Variants in SH3RF3 observed in about 807,000 individuals in gnomAD.
SH3RF3 encodes SH3 domain containing ring finger 3, also known as E3 ubiquitin-protein ligase SH3RF3.
In SH3RF3, 29 loss-of-function variants were observed where a neutral mutation model predicts 66.3. The observed-to-expected ratio is 0.44, with a 90% CI of 0.33 to 0.60. The LOEUF is 0.60. Ranked by LOEUF, SH3RF3 falls within the 20% of genes least tolerant of loss-of-function variation. The pLI is 0.04. For synonymous variants in SH3RF3, 583 were observed against 532.0 expected, an observed-to-expected ratio of 1.10 and a Z score of -1.32; for missense variants, 1,194 against 1,190.9, an observed-to-expected ratio of 1.00 and a Z score of -0.04.
chr2:109,356,143 A>G (rs935820888), intron 2 of SH3RF3, among the ~76,000 whole-genome samples: 4 of 152,130 alleles, frequency 2.6e-5, no homozygotes, highest in Admixed American at 2.0e-4. Flanking sequence ...CTTCCTTGAC[A>G]TTCTTAGAGT....
intron 1 of SH3RF3, among the ~76,000 whole-genome samples, chr2:109,324,754 G>A (rs1214947676): frequency 6.6e-6 from 1 of 152,216 alleles, no homozygotes; most frequent in Non-Finnish European, 1.5e-5. Flanking sequence ...CAAATGACTT[G>A]AAGGAGAGCA....
Position 109,426,043 on chromosome 2 carries a change from G to A in SH3RF3, c.1403+6401G>A, listed in dbSNP as rs1437456160. ...CTTCCCGGTAGCTGGGATTACAGGC[G>A]CATGCCACCACGCCCAGCTAATTTT... is the stretch of plus-strand genomic sequence containing the variant. On this transcript the variant is annotated intron_variant, in intron 5 of 9. Transcript: ENST00000309415. Among the ~76,000 whole-genome samples the A allele has an allele frequency of 2.6e-5, 4 of 152,122 alleles. No homozygotes were observed. The South Asian group carries it at 8.3e-4, about 32-fold the overall frequency.
chr2:109,471,218 A>AAG (rs1481281604), intron 8 of SH3RF3, among the ~76,000 whole-genome samples: 1 of 151,412 alleles, frequency 6.6e-6, no homozygotes, highest in Admixed American at 6.6e-5. Context: ...AAAAAAAAAA[A>AAG]AAAAAAAAAA....
At chr2:109,198,844 C>G (rs977001105) in intron 1 of SH3RF3, among the ~76,000 whole-genome samples, 1 of 152,204 alleles carries the variant, frequency 6.6e-6, no homozygotes, top group Non-Finnish European at 1.5e-5. Context: ...GGCTGCAGAC[C>G]TGTGCAGGAT....
chr2:109,183,926 C>T (rs974683992), intron 1 of SH3RF3, among the ~76,000 whole-genome samples: 6 of 152,220 alleles, frequency 3.9e-5, no homozygotes, highest in Non-Finnish European at 7.3e-5. Flanking sequence ...GCCCCCACAC[C>T]TACCAGTTGC....
At chr2:109,419,175 G>T (rs749822966) in intron 4 of SH3RF3, among the ~76,000 whole-genome samples, 3 of 152,086 alleles carry the variant, frequency 2.0e-5, no homozygotes, top group Non-Finnish European at 4.4e-5. Flanking sequence ...CTGTTTCATA[G>T]CATGAAAGAT....
At chr2:109,207,828 AAATT>A (rs1482232187) in intron 1 of SH3RF3, among the ~76,000 whole-genome samples, 1 of 152,190 alleles carries the variant, frequency 6.6e-6, no homozygotes, top group Non-Finnish European at 1.5e-5. Context: ...TTTTTAAAAA[AAATT>A]AAACTATACC....
Position 109,292,300 on chromosome 2 carries a change from G to T in SH3RF3, c.574-55374G>T, listed in dbSNP as rs72822696. Among the ~76,000 whole-genome samples the T allele has an allele frequency of 7.7e-3, 1,170 of 152,270 alleles. 4 individuals carry two copies. Among genetic ancestry groups the T allele is most frequent in the Non-Finnish European group, 0.013 (894 of 68,028 alleles). ...AGTTGCCCTTTTCAGAATCCAGAGAGTCCCCTTGTTAGTGTATTGGGGTTC... is the reference window on the plus strand; with the variant it reads ...AGTTGCCCTTTTCAGAATCCAGAGATTCCCCTTGTTAGTGTATTGGGGTTC... On this transcript the variant is annotated intron_variant, in intron 1 of 9. Coordinates refer to ENST00000309415, the MANE Select transcript of SH3RF3 (RefSeq NM_001099289.3).
intron 1 of SH3RF3, among the ~76,000 whole-genome samples, chr2:109,266,696 G>A (rs1288075367): frequency 6.6e-6 from 1 of 152,094 alleles, no homozygotes; most frequent in Non-Finnish European, 1.5e-5. Flanking sequence ...AGATTGGGAA[G>A]GCTTCTAAGC....
At chr2:109,234,529 C>T (rs1333666585) in intron 1 of SH3RF3, among the ~76,000 whole-genome samples, 1 of 152,220 alleles carries the variant, frequency 6.6e-6, no homozygotes, top group African/African-American at 2.4e-5. Context: ...TGAAACATTT[C>T]TGTATTGGTC....
intron 8 of SH3RF3, among the ~76,000 whole-genome samples, chr2:109,476,107 TTC>T: frequency 6.6e-6 from 1 of 152,314 alleles, no homozygotes; most frequent in African/African-American, 2.4e-5. Context: ...AGGTTAAGTG[TTC>T]TTACCAAACT....
At chr2:109,200,469 T>G (rs1294560992) in intron 1 of SH3RF3, among the ~76,000 whole-genome samples, 1 of 152,134 alleles carries the variant, frequency 6.6e-6, no homozygotes, top group Non-Finnish European at 1.5e-5. Flanking sequence ...GACCTTCATT[T>G]CCTTTGTAGT....
chr2:109,384,814 GCAGAA>G (rs1033224227), intron 3 of SH3RF3, among the ~76,000 whole-genome samples: 4 of 152,202 alleles, frequency 2.6e-5, no homozygotes, highest in African/African-American at 9.6e-5. Context: ...GGGGATGTGG[GCAGAA>G]GGCCTCAGGG....
At chr2:109,270,469 T>A (rs1574541861) in intron 1 of SH3RF3, among the ~76,000 whole-genome samples, 2 of 152,308 alleles carry the variant, frequency 1.3e-5, no homozygotes, top group East Asian at 3.9e-4. Flanking sequence ...TTCCACTGCC[T>A]GAGCTGGGGC....
At chr2:109,182,538 G>T (rs1037264309) in intron 1 of SH3RF3, among the ~76,000 whole-genome samples, 1 of 152,280 alleles carries the variant, frequency 6.6e-6, no homozygotes, top group East Asian at 1.9e-4. Flanking sequence ...TCCTGGATGT[G>T]CTTGGGACAT....
chr2:109,311,572 A>G (rs576602613), intron 1 of SH3RF3, among the ~76,000 whole-genome samples: 29 of 152,330 alleles, frequency 1.9e-4, no homozygotes, highest in Non-Finnish European at 3.2e-4. Flanking sequence ...TGCAGACGAC[A>G]TGATTGTATA....
At chr2:109,427,698 A>G (rs1319141499) in intron 5 of SH3RF3, among the ~76,000 whole-genome samples, 6 of 152,178 alleles carry the variant, frequency 3.9e-5, no homozygotes, top group Admixed American at 3.3e-4. Flanking sequence ...CCTTCCTTCC[A>G]TGAACTCTGT....
intron 1 of SH3RF3, among the ~76,000 whole-genome samples, chr2:109,297,092 G>T (rs574131385): frequency 3.8e-4 from 58 of 152,154 alleles, no homozygotes; most frequent in African/African-American, 1.3e-3. Context: ...GGGGGTGACC[G>T]GGATGGGAAG....
intron 1 of SH3RF3, among the ~76,000 whole-genome samples, chr2:109,221,615 C>T (rs1456987360): frequency 6.6e-6 from 1 of 151,160 alleles, no homozygotes; most frequent in Non-Finnish European, 1.5e-5. Flanking sequence ...GTGCATCTTC[C>T]TGATGGTTAG....
Sources: allele counts gnomAD v4.1 joint callset (sites outside exome capture counted in the v4.1 genomes callset), GRCh38; gene constraint gnomAD v4.1.1; transcripts MANE v1.5; gene names NCBI Gene and HGNC (gene_info 2026-07-23, HGNC 2026-07-21).